Variants in ASTN1 observed in about 807,000 individuals in gnomAD.
The protein encoded by ASTN1 is astrotactin-1.
ASTN1 carries 41 observed loss-of-function variants against 140.7 expected under a neutral mutation model. The ratio of observed to expected loss-of-function variants is 0.29; its 90% CI spans 0.23 to 0.38. The LOEUF (loss-of-function observed/expected upper bound fraction) is 0.38. Among genes scored for constraint, ASTN1 ranks in the 10% least tolerant of loss-of-function variants. ASTN1 has a pLI of 1.00. For synonymous variants in ASTN1, 640 were observed against 652.2 expected, an observed-to-expected ratio of 0.98 and a Z score of 0.29; for missense variants, 1,479 against 1,678.8, an observed-to-expected ratio of 0.88 and a Z score of 2.08.
chr1:176,858,709 C>T (rs1667880812), downstream of ASTN1, among the ~76,000 whole-genome samples: 3 of 152,172 alleles, frequency 2.0e-5, no homozygotes, highest in South Asian at 6.2e-4. Flanking sequence ...AATCTATGTG[C>T]CCTAAGTTGA....
At chr1:177,029,868 T>G in intron 4 of ASTN1, 127 bp from the exon 5 acceptor site, 1 of 893,644 alleles carries the variant, frequency 1.1e-6, no homozygotes, top group East Asian at 2.7e-5. Flanking sequence ...CTGGGAGAAA[T>G]AGCCAAGGGG....
Position 176,861,692 on chromosome 1 carries a change from G to A in ASTN1, c.*2592C>T. The stretch of plus-strand genomic sequence containing the variant: ...GTGCATTGTGTGTGCACACGTGTGT[G>A]TGTGTGTACATACATACACACATTC... On this transcript the variant is annotated 3_prime_UTR_variant, in exon 23 of 23. Coordinates refer to ENST00000361833, the MANE Select transcript of ASTN1 (RefSeq NM_004319.3). 1.0e-6 allele frequency: 1 copy of A among 985,392 alleles called. No homozygotes were observed. The highest frequency in any genetic ancestry group is 1.2e-6 in the Non-Finnish European group (1 of 829,912). The allele number at this position is 985,392 out of a possible 1,614,324, so 61.0% of individuals were successfully genotyped here. A position where few individuals can be genotyped will look rare whatever the true frequency, so the allele number is the denominator to read the frequency against.
intron 16 of ASTN1, among the ~76,000 whole-genome samples, chr1:176,912,604 C>A (rs983098236): frequency 7.2e-5 from 11 of 152,100 alleles, no homozygotes; most frequent in Non-Finnish European, 1.5e-5. Flanking sequence ...CAGGTATACT[C>A]ATTTCCATTT....
At chr1:176,906,688 T>C (rs1315904916) in intron 16 of ASTN1, among the ~76,000 whole-genome samples, 1 of 151,906 alleles carries the variant, frequency 6.6e-6, no homozygotes, top group Non-Finnish European at 1.5e-5. Context: ...ACCCCATCTC[T>C]ACAAAAAATA....
chr1:176,988,332 A>AAAC (rs1553239087), intron 8 of ASTN1, among the ~76,000 whole-genome samples: 1 of 151,714 alleles, frequency 6.6e-6, no homozygotes, highest in African/African-American at 2.4e-5. Context: ...AAAAAAAAAA[A>AAAC]ACCTTTCCTT....
intron 1 of ASTN1, among the ~76,000 whole-genome samples, chr1:177,128,006 C>A (rs897048634): frequency 1.2e-4 from 18 of 151,748 alleles, no homozygotes; most frequent in Non-Finnish European, 2.2e-4. Flanking sequence ...TAAAATAAAA[C>A]AGTAATAATA....
chr1:177,024,809 C>T, intron 5 of ASTN1, 77 bp from the exon 6 acceptor site: 1 of 1,501,326 alleles, frequency 6.7e-7, no homozygotes, highest in Non-Finnish European at 9.1e-7. Context: ...TTTTGCCAAT[C>T]ATCCTGGCAA....
chr1:177,116,943 A>G (rs1681118959), intron 1 of ASTN1, among the ~76,000 whole-genome samples: 1 of 151,862 alleles, frequency 6.6e-6, no homozygotes, highest in Non-Finnish European at 1.5e-5. Flanking sequence ...ACTCCCTTAC[A>G]CTGCAATTAT....
intron 1 of ASTN1, among the ~76,000 whole-genome samples, chr1:177,073,664 G>A (rs973119723): frequency 1.5e-4 from 22 of 149,574 alleles, no homozygotes; most frequent in African/African-American, 5.2e-4. Context: ...GTGCATGTTC[G>A]CTGGGTTCAT....
intron 2 of ASTN1, among the ~76,000 whole-genome samples, chr1:177,050,728 C>T (rs1026732009): frequency 2.0e-5 from 3 of 152,162 alleles, no homozygotes; most frequent in African/African-American, 7.2e-5. Context: ...TCACCCTAAA[C>T]TTTATCAGCA....
At chr1:177,047,745 G>T (rs914681031) in intron 2 of ASTN1, among the ~76,000 whole-genome samples, 3 of 152,074 alleles carry the variant, frequency 2.0e-5, no homozygotes, top group Non-Finnish European at 2.9e-5. Flanking sequence ...GAAAAGGAAG[G>T]CACAAGAAGA....
intron 17 of ASTN1, among the ~76,000 whole-genome samples, chr1:176,889,960 C>T (rs768840595): frequency 7.2e-5 from 11 of 152,120 alleles, no homozygotes; most frequent in Non-Finnish European, 1.6e-4. Flanking sequence ...AGGTGCATTG[C>T]TTAAAACTAG....
rs748761002 is a variant in ASTN1, at chr1:176,864,357, T to A, written c.3812A>T (p.Asp1271Val). Reference sequence around the variant, plus strand: ...CTGCTCCTCACACGTCTTCCTGAGGTCCCGGCTGAGCTCCGCCCAGTCAAG... The same window carrying A: ...CTGCTCCTCACACGTCTTCCTGAGGACCCGGCTGAGCTCCGCCCAGTCAAG... Reference protein sequence around the residue: ...YGLDWAELSRDLRKTCEEQTL... With the variant: ...YGLDWAELSRVLRKTCEEQTL... The change falls in exon 23 of 23, where the codon GAC becomes GTC. Residue 1271 changes from aspartate (D) to valine (V), a missense_variant. Asp to Val is a radical substitution (Grantham distance 152, BLOSUM62 -3). This residue lies in a region of ASTN1 where 746 missense variants were observed against 800.9 expected (regional missense o/e 0.93). Transcript: ENST00000361833. 1 of 1,614,006 alleles carries A rather than the reference T, an allele frequency of 6.2e-7. No individual in the cohort carries two copies. The highest frequency in any genetic ancestry group is 2.2e-5 in the East Asian group (1 of 44,886).
chr1:177,137,740 A>T (rs1442147625), intron 1 of ASTN1, among the ~76,000 whole-genome samples: 1 of 152,192 alleles, frequency 6.6e-6, no homozygotes, highest in Non-Finnish European at 1.5e-5. Context: ...CTGTCCAGCC[A>T]AACTGAACCT....
chr1:176,884,330 G>A lies in ASTN1; in HGVS notation c.3226+9C>T. 1.2e-6 allele frequency: 2 copies of A among 1,610,610 alleles called. No individual in the cohort carries two copies. Among genetic ancestry groups the A allele is most frequent in the Admixed American group, 1.7e-5 (1 of 59,980 alleles). On this transcript the variant is annotated intron_variant, in intron 19 of 22. Transcript: ENST00000361833. ...ATCAAGACAAGCCCATGAAGTAGAA[G>A]GTGCTCACCTGTCTCCACTTTGGAG...
chr1:177,024,666 A>G lies in ASTN1; in HGVS notation c.1187T>C (p.Ile396Thr), dbSNP rs1367076842. The change falls in exon 6 of 23, where the codon ATT becomes ACT. Residue 396 changes from isoleucine to threonine, a missense_variant. Physicochemically the swap from Ile to Thr is moderately conservative, Grantham distance 89. Coordinates refer to ENST00000361833, the MANE Select transcript of ASTN1 (RefSeq NM_004319.3). ...LTLISITSCV[I>T]GLVCSSHVNC... ...GACGTGAGAGGAGCACACGAGGCCA[A>G]TCACACAGCTGGTGATGCTGATCAG... The G allele has an allele frequency of 6.2e-7, 1 of 1,613,986 alleles. No homozygotes were observed. Among genetic ancestry groups the G allele is most frequent in the Non-Finnish European group, 8.5e-7 (1 of 1,179,988 alleles).
At chr1:177,000,051 A>C (rs981891626) in intron 8 of ASTN1, among the ~76,000 whole-genome samples, 1 of 152,236 alleles carries the variant, frequency 6.6e-6, no homozygotes, top group Admixed American at 6.5e-5. Flanking sequence ...TAGCTAATAC[A>C]TGGGATCACA....
At chr1:176,896,265 GCATA>G (rs1390161787) in intron 16 of ASTN1, among the ~76,000 whole-genome samples, 5 of 152,160 alleles carry the variant, frequency 3.3e-5, no homozygotes, top group African/African-American at 1.2e-4. Flanking sequence ...ATAATTCATC[GCATA>G]CTTGCATTTT....
chr1:177,024,597 T>C lies in ASTN1; in HGVS notation c.1256A>G (p.His419Arg), dbSNP rs949723124. The change falls in exon 6 of 23, where the codon CAC becomes CGC. Residue 419 changes from histidine to arginine, a missense_variant. Around this residue, in one of 3 missense-constraint regions of ASTN1, gnomAD observed 729 missense variants for 860.4 expected, o/e 0.85. Transcript: ENST00000361833. ...VVKITLHVPE[H>R]LIADGSRFIL... The stretch of plus-strand genomic sequence containing the variant: ...AACAGGCTCACCATCAGCAATCAGG[T>C]GCTCAGGGACATGCAGGGTGATCTT... The C allele has an allele frequency of 6.2e-7, 1 of 1,613,872 alleles. No individual in the cohort carries two copies. Among genetic ancestry groups the C allele is most frequent in the Non-Finnish European group, 8.5e-7 (1 of 1,179,906 alleles).
Sources: gnomAD v4.1 joint callset for allele counts (sites outside exome capture counted in the v4.1 genomes callset) on GRCh38, gnomAD v4.1.1 for gene constraint, gnomAD v4.1.1 regional missense constraint, MANE v1.5 for transcripts, NCBI Gene and HGNC (gene_info 2026-07-23, HGNC 2026-07-21) for gene names.